The following ENOX1 variants were observed in gnomAD, a reference collection of about 807,000 sequenced individuals.
The protein encoded by ENOX1 is ecto-NOX disulfide-thiol exchanger 1, also known as candidate growth-related and time keeping constitutive hydroquinone (NADH) oxidase.
In ENOX1, 42 loss-of-function variants were observed where a neutral mutation model predicts 82.5. That is an observed-to-expected ratio of 0.51 (90% confidence interval 0.40 to 0.66). The LOEUF is 0.66. ENOX1 is among the 30% of genes least tolerant of loss of function. The pLI, the probability that ENOX1 is intolerant of heterozygous loss-of-function variation, is 0.00. For missense variants in ENOX1, 608 were observed against 811.6 expected, an observed-to-expected ratio of 0.75 and a Z score of 3.05; for synonymous variants, 271 against 282.2, an observed-to-expected ratio of 0.96 and a Z score of 0.40.
At chr13:43,676,975 G>T (rs2085540961) in intron 1 of ENOX1, among the ~76,000 whole-genome samples, 1 of 151,532 alleles carries the variant, frequency 6.6e-6, no homozygotes, top group Non-Finnish European at 1.5e-5. Context: ...AACTTGCCCT[G>T]CCATTAAACA....
intron 1 of ENOX1, among the ~76,000 whole-genome samples, chr13:43,699,502 AAAGAT>A (rs1247150151): frequency 3.3e-5 from 5 of 152,232 alleles, no homozygotes; most frequent in African/African-American, 1.2e-4. Context: ...ACCAGTTTCG[AAAGAT>A]AAGATATTAA....
At chr13:43,415,777 T>C (rs1469319392) in intron 3 of ENOX1, among the ~76,000 whole-genome samples, 11 of 151,880 alleles carry the variant, frequency 7.2e-5, no homozygotes, top group Admixed American at 6.6e-4. Context: ...AGCTGTTGGG[T>C]ACACCTCCCA....
chr13:43,344,328 G>A lies in ENOX1; in HGVS notation c.1036+210C>T, dbSNP rs143131111. Among the ~76,000 whole-genome samples the A allele has an allele frequency of 4.2e-3, 640 of 152,260 alleles. 1 individual carries two copies. The highest frequency in any genetic ancestry group is 7.6e-3 in the Non-Finnish European group (517 of 68,024). The stretch of plus-strand genomic sequence containing the variant: ...TGTTCTGAGGAAAAGCTACAGAAAC[G>A]TTGCTCACCTTGAGAAGTAAACTCT... On this transcript the variant is annotated intron_variant, in intron 9 of 16. Coordinates refer to ENST00000690772, the MANE Select transcript of ENOX1 (RefSeq NM_001347969.2).
At chr13:43,246,353 G>GCGCTCTGTGA (rs2043081397) in intron 14 of ENOX1, among the ~76,000 whole-genome samples, 1 of 152,196 alleles carries the variant, frequency 6.6e-6, no homozygotes, top group Non-Finnish European at 1.5e-5. Context: ...AGTGCCTGTG[G>GCGCTCTGTGA]CGCTCTGTGA....
rs549571639 is a variant in ENOX1 at position 43,476,193 on chromosome 13, A to T, written c.-75+7816T>A. ...ACTTTGTTTATTCATTCAGTAATTC[A>T]AAAAAAGATTTATTGAGCACATGCT... On this transcript the variant is annotated intron_variant, in intron 3 of 16. Transcript: ENST00000690772. Among the ~76,000 whole-genome samples, 7 of 152,266 alleles carry T rather than the reference A, an allele frequency of 4.6e-5. No homozygotes were observed. The South Asian group carries it at 6.2e-4, about 14-fold the overall frequency.
At chr13:43,671,764 G>A (rs2085279504) in intron 1 of ENOX1, among the ~76,000 whole-genome samples, 1 of 152,084 alleles carries the variant, frequency 6.6e-6, no homozygotes, top group Non-Finnish European at 1.5e-5. Flanking sequence ...TGTCTGGATA[G>A]AGCTCAAGGA....
At chr13:43,278,066 C>T (rs1006557336) in intron 12 of ENOX1, among the ~76,000 whole-genome samples, 7 of 152,210 alleles carry the variant, frequency 4.6e-5, no homozygotes, top group Admixed American at 2.6e-4. Context: ...CATCTATCAT[C>T]ACTATGCACC....
intron 3 of ENOX1, among the ~76,000 whole-genome samples, chr13:43,427,021 T>A (rs1027570293): frequency 1.3e-5 from 2 of 152,192 alleles, no homozygotes; most frequent in Non-Finnish European, 2.9e-5. Flanking sequence ...ACCATCCTTT[T>A]CTCTAGGGAT....
intron 2 of ENOX1, among the ~76,000 whole-genome samples, chr13:43,659,701 T>A (rs1220068923): frequency 1.3e-5 from 2 of 152,146 alleles, no homozygotes; most frequent in Non-Finnish European, 2.9e-5. Context: ...ATTTTAGAAT[T>A]GTTCTGGCTA....
At chr13:43,651,415 G>T (rs183672306) in intron 2 of ENOX1, among the ~76,000 whole-genome samples, 1 of 152,104 alleles carries the variant, frequency 6.6e-6, no homozygotes, top group Admixed American at 6.6e-5. Flanking sequence ...TCACTTTGAG[G>T]CCGGGCATGT....
At chr13:43,248,035 G>A (rs1268794054) in intron 14 of ENOX1, among the ~76,000 whole-genome samples, 3 of 147,976 alleles carry the variant, frequency 2.0e-5, no homozygotes, top group South Asian at 2.2e-4. Flanking sequence ...ACAGGCGCCC[G>A]CCACTACGCC....
At chr13:43,247,315 AAAAT>A (rs1236620812) in intron 14 of ENOX1, among the ~76,000 whole-genome samples, 2 of 152,174 alleles carry the variant, frequency 1.3e-5, no homozygotes, top group African/African-American at 2.4e-5. Flanking sequence ...TCCATCTCAA[AAAAT>A]AAATAAATAC....
chr13:43,359,813 C>G, intron 7 of ENOX1, 38 bp downstream of exon 7: 1 of 1,581,636 alleles, frequency 6.3e-7, no homozygotes, highest in Non-Finnish European at 8.7e-7. Context: ...CAAAACATAA[C>G]AAAATGCCTA....
rs771063708 is a variant in ENOX1 at position 43,326,433 on chromosome 13, G to A, written c.1129C>T (p.Arg377Ter). ...AAATCACCAACCTCAGAATGCTTTC[G>A]CCAAATGTCTATGTTCTTGCGCTGG... ...KAQRKNIDIW[R>*]KHSEELRNAQ... Residue 377 changes from arginine to a stop codon, truncating the protein, a stop_gained, in exon 10 of 17, where the codon CGA becomes TGA. Coordinates refer to ENST00000690772, the MANE Select transcript of ENOX1 (RefSeq NM_001347969.2). LOFTEE classifies it high-confidence loss of function. The A allele has an allele frequency of 9.9e-6, 16 of 1,613,982 alleles. No individual in the cohort carries two copies. Among genetic ancestry groups the A allele is most frequent in the Non-Finnish European group, 1.4e-5 (16 of 1,179,878 alleles).
chr13:43,703,618 A>G (rs1465141558), intron 1 of ENOX1, among the ~76,000 whole-genome samples: 1 of 152,212 alleles, frequency 6.6e-6, no homozygotes, highest in Non-Finnish European at 1.5e-5. Context: ...TTTATTCAGT[A>G]GATGACAAAT....
chr13:43,574,757 T>A (rs1427187712), intron 2 of ENOX1, among the ~76,000 whole-genome samples: 1 of 152,222 alleles, frequency 6.6e-6, no homozygotes, highest in Non-Finnish European at 1.5e-5. Flanking sequence ...ACCACTGGTT[T>A]CCTACAAACA....
chr13:43,232,664 A>G (rs1273029025), intron 15 of ENOX1, among the ~76,000 whole-genome samples: 1 of 152,204 alleles, frequency 6.6e-6, no homozygotes, highest in Non-Finnish European at 1.5e-5. Flanking sequence ...AGGACTCAGG[A>G]TATGTAAGAA....
chr13:43,397,967 A>G (rs2053254875), intron 5 of ENOX1, among the ~76,000 whole-genome samples: 2 of 152,188 alleles, frequency 1.3e-5, no homozygotes, highest in Admixed American at 1.3e-4. Context: ...TGGTTCAAAG[A>G]CAGCCTCTTC....
rs546908490 is a variant in ENOX1, at chr13:43,782,402, A to AT, written c.-285+4249dup. ...ATTATATCCAGACAGTGGAAAATAG[A>AT]TTTTTTTTAAAGTGAAGTTCACTTG... is the stretch of plus-strand genomic sequence containing the variant. On this transcript the variant is annotated intron_variant, in intron 1 of 16. Coordinates refer to ENST00000690772, the MANE Select transcript of ENOX1 (RefSeq NM_001347969.2). Among the ~76,000 whole-genome samples, 434 of 151,748 alleles carry AT rather than the reference A, an allele frequency of 2.9e-3. 4 individuals carry two copies. Among genetic ancestry groups the AT allele is most frequent in the Non-Finnish European group, 4.0e-3 (271 of 67,972 alleles).
Sources: gnomAD v4.1 joint callset for allele counts (sites outside exome capture counted in the v4.1 genomes callset) on GRCh38, gnomAD v4.1.1 for gene constraint, MANE v1.5 for transcripts, NCBI Gene and HGNC (gene_info 2026-07-23, HGNC 2026-07-21) for gene names.